The following GREM2 variants were observed in gnomAD, a reference collection of about 807,000 sequenced individuals.
GREM2 encodes the protein gremlin-2.
In GREM2, 11 loss-of-function variants were observed where a neutral mutation model predicts 14.2. That is an observed-to-expected ratio of 0.78 (90% CI 0.49 to 1.28). The LOEUF (loss-of-function observed/expected upper bound fraction) is 1.28, where lower values mean the gene tolerates loss of function less well. Ranked by LOEUF, GREM2 falls within the 50% of genes most tolerant of loss-of-function variation. The pLI is 0.00. For synonymous variants in GREM2, 98 were observed against 97.6 expected, an observed-to-expected ratio of 1.00 and a Z score of -0.02; for missense variants, 210 against 218.5, an observed-to-expected ratio of 0.96 and a Z score of 0.24.
At chr1:240,510,368 G>C (rs1323427314) in intron 1 of GREM2, among the ~76,000 whole-genome samples, 1 of 15,574 alleles carries the variant, frequency 6.4e-5, no homozygotes, top group Non-Finnish European at 1.1e-4. Flanking sequence ...AGACTCCGTC[G>C]CAAAAAAAAA....
At position 240,491,221 on chromosome 1, in the gene GREM2, T is replaced by C. The variant is rs1469391990; in HGVS notation, c.*1748A>G. ...TCCTTGCTCTTCAAGTGAATGTCTC[T>C]AGATCCACCATCACTACCTAGTATC... is the stretch of plus-strand genomic sequence containing the variant. On this transcript the variant is annotated 3_prime_UTR_variant, in exon 2 of 2. Coordinates refer to ENST00000318160, the MANE Select transcript of GREM2 (RefSeq NM_022469.4). 6.6e-6 allele frequency: 1 copy of C among 152,344 alleles called. No individual in the cohort carries two copies. The highest frequency in any genetic ancestry group is 1.5e-5 in the Non-Finnish European group (1 of 68,074). The allele number at this position is 152,344 out of a possible 1,614,324, so 9.4% of individuals were successfully genotyped here.
chr1:240,503,905 C>A (rs1047421899), intron 1 of GREM2, among the ~76,000 whole-genome samples: 1 of 152,142 alleles, frequency 6.6e-6, no homozygotes, highest in Non-Finnish European at 1.5e-5. Flanking sequence ...GGTATTTAAT[C>A]TTTGTTTCCA....
chr1:240,534,887 C>T (rs948944619), intron 1 of GREM2, among the ~76,000 whole-genome samples: 6 of 151,784 alleles, frequency 4.0e-5, no homozygotes, highest in African/African-American at 7.3e-5. Context: ...CTTTGGGTTT[C>T]GAAAATTTGG....
chr1:240,565,210 AT>A (rs1679153378), intron 1 of GREM2, among the ~76,000 whole-genome samples: 1 of 152,146 alleles, frequency 6.6e-6, no homozygotes, highest in African/African-American at 2.4e-5. Context: ...TTCTATCATT[AT>A]TACACCTTTT....
intron 1 of GREM2, among the ~76,000 whole-genome samples, chr1:240,536,011 A>G (rs1678462952): frequency 6.6e-6 from 1 of 152,046 alleles, no homozygotes; most frequent in Admixed American, 6.6e-5. Flanking sequence ...GTAGGACCTG[A>G]CTGCAAGCAG....
At chr1:240,499,117 G>C (rs1677506374) in intron 1 of GREM2, among the ~76,000 whole-genome samples, 1 of 152,236 alleles carries the variant, frequency 6.6e-6, no homozygotes, top group Non-Finnish European at 1.5e-5. Context: ...AAAGTGGCAA[G>C]ACCTGAACAG....
chr1:240,518,364 C>A (rs141917544), intron 1 of GREM2, among the ~76,000 whole-genome samples: 62 of 152,272 alleles, frequency 4.1e-4, no homozygotes, highest in African/African-American at 1.5e-3. Flanking sequence ...GAAATATTAT[C>A]ATCCATCAAT....
intron 1 of GREM2, among the ~76,000 whole-genome samples, chr1:240,539,650 T>C (rs761687607): frequency 2.6e-5 from 4 of 152,176 alleles, no homozygotes; most frequent in Non-Finnish European, 5.9e-5. Flanking sequence ...ATAATCCATA[T>C]ACACATGAAG....
intron 1 of GREM2, among the ~76,000 whole-genome samples, chr1:240,547,222 C>T (rs192076015): frequency 9.0e-4 from 137 of 152,046 alleles, no homozygotes; most frequent in African/African-American, 2.5e-3. Flanking sequence ...GAATGGAGGC[C>T]AGGCACGGTG....
At chr1:240,501,816 T>A (rs547909310) in intron 1 of GREM2, among the ~76,000 whole-genome samples, 2 of 152,152 alleles carry the variant, frequency 1.3e-5, no homozygotes, top group South Asian at 4.2e-4. Flanking sequence ...CTTGTTGCTG[T>A]CAGAAGAATG....
rs191641721 is a variant in GREM2 at position 240,548,206 on chromosome 1, C to T, written c.-1-54730G>A. ...AGGAGAATCACTTGAACTCAGGAAG[C>T]GGAGATTGCAGTGAGCCAAGATTGT... On this transcript the variant is annotated intron_variant, in intron 1 of 1. Coordinates refer to ENST00000318160, the MANE Select transcript of GREM2 (RefSeq NM_022469.4). Among the ~76,000 whole-genome samples, 602 of 152,006 alleles carry T rather than the reference C, an allele frequency of 4.0e-3. 4 individuals are homozygous for T. The highest frequency in any genetic ancestry group is 5.9e-3 in the Admixed American group (90 of 15,266).
intron 1 of GREM2, among the ~76,000 whole-genome samples, chr1:240,537,398 C>G (rs1439286666): frequency 6.6e-6 from 1 of 151,910 alleles, no homozygotes; most frequent in Non-Finnish European, 1.5e-5. Context: ...AGTTGTCTAC[C>G]CAGAGAACAC....
At chr1:240,557,644 G>A (rs1678975565) in intron 1 of GREM2, among the ~76,000 whole-genome samples, 1 of 151,822 alleles carries the variant, frequency 6.6e-6, no homozygotes, top group Admixed American at 6.6e-5. Context: ...ATACATTTTG[G>A]GAAGTTTAAT....
intron 1 of GREM2, among the ~76,000 whole-genome samples, chr1:240,554,324 T>C (rs973863148): frequency 1.3e-5 from 2 of 150,334 alleles, no homozygotes; most frequent in African/African-American, 4.9e-5. Context: ...GGCACGAGAA[T>C]AGCTTGAACC....
At chr1:240,551,461 G>T (rs1041166759) in intron 1 of GREM2, among the ~76,000 whole-genome samples, 1 of 152,060 alleles carries the variant, frequency 6.6e-6, no homozygotes, top group Non-Finnish European at 1.5e-5. Flanking sequence ...CAGTTCTCCT[G>T]CCTCAGCCTC....
chr1:240,583,152 T>C (rs1679523627), intron 1 of GREM2, among the ~76,000 whole-genome samples: 1 of 152,132 alleles, frequency 6.6e-6, no homozygotes, highest in African/African-American at 2.4e-5. Flanking sequence ...CTACATCGAA[T>C]CATCATCTGA....
chr1:240,548,999 C>T (rs1283356890), intron 1 of GREM2, among the ~76,000 whole-genome samples: 1 of 152,062 alleles, frequency 6.6e-6, no homozygotes, highest in Admixed American at 6.6e-5. Context: ...CCACTGAAAA[C>T]AGATCCAGTC....
intron 1 of GREM2, among the ~76,000 whole-genome samples, chr1:240,567,464 G>A (rs1303219979): frequency 6.6e-6 from 1 of 151,804 alleles, no homozygotes; most frequent in Non-Finnish European, 1.5e-5. Context: ...ATTATATACA[G>A]AGTAACAAAG....
At chr1:240,501,031 G>A (rs532798366) in intron 1 of GREM2, among the ~76,000 whole-genome samples, 20 of 152,190 alleles carry the variant, frequency 1.3e-4, no homozygotes, top group East Asian at 7.7e-4. Context: ...CAGATTCATC[G>A]CCTTTTGCCT....
Sources: allele counts gnomAD v4.1 joint callset (sites outside exome capture counted in the v4.1 genomes callset), GRCh38; gene constraint gnomAD v4.1.1; transcripts MANE v1.5; gene names NCBI Gene and HGNC (gene_info 2026-07-23, HGNC 2026-07-21).